Variants in CTNNA3 observed in about 807,000 individuals in gnomAD.
CTNNA3 encodes catenin alpha-3.
CTNNA3 carries 76 observed loss-of-function variants against 95.7 expected under a neutral mutation model. The observed-to-expected ratio is 0.79, with a 90% CI of 0.66 to 0.96. CTNNA3 has a LOEUF of 0.96. Among genes scored for constraint, CTNNA3 ranks in the 40% least tolerant of loss-of-function variants. The probability of loss-of-function intolerance (pLI) is 0.00; values close to 1 mark genes in which losing one functional copy is unlikely to be tolerated. For missense variants in CTNNA3, 1,191 were observed against 1,089.8 expected, an observed-to-expected ratio of 1.09 and a Z score of -1.31; for synonymous variants, 431 against 374.4, an observed-to-expected ratio of 1.15 and a Z score of -1.74.
At chr10:66,340,200 A>G (rs12784394) in intron 12 of CTNNA3, among the ~76,000 whole-genome samples, 3,023 of 151,934 alleles carry the variant, frequency 0.02, 60 homozygotes, top group South Asian at 0.048. Context: ...TTGACTTACA[A>G]TATAGGTTGT....
intron 5 of CTNNA3, among the ~76,000 whole-genome samples, chr10:67,268,231 G>A (rs1472430593): frequency 6.6e-6 from 1 of 151,618 alleles, no homozygotes; most frequent in African/African-American, 2.4e-5. Flanking sequence ...TTTGGGAGGC[G>A]AAGGCAGGAG....
At chr10:66,549,836 C>T (rs906210811) in intron 10 of CTNNA3, among the ~76,000 whole-genome samples, 12 of 152,100 alleles carry the variant, frequency 7.9e-5, no homozygotes, top group Non-Finnish European at 8.8e-5. Flanking sequence ...TCAGAGTGCA[C>T]ACCTCGTATG....
At chr10:66,683,851 T>C (rs1193350325) in intron 9 of CTNNA3, among the ~76,000 whole-genome samples, 2 of 151,966 alleles carry the variant, frequency 1.3e-5, no homozygotes, top group Non-Finnish European at 2.9e-5. Flanking sequence ...CAGGGGGATG[T>C]AGGATACCCC....
chr10:67,305,047 T>C lies in CTNNA3; in HGVS notation c.580-85177A>G, dbSNP rs372684543. On this transcript the variant is annotated intron_variant, in intron 5 of 17. Transcript: ENST00000433211. ...ATCCCAGCACTTTGGGAGGCCGAGG[T>C]GGGCGGATCACGAAGTCAGGAGATC... Among the ~76,000 whole-genome samples the C allele has an allele frequency of 2.3e-4, 35 of 152,128 alleles. 1 individual carries two copies. In the East Asian group the frequency reaches 4.3e-3, roughly 19 times the overall value.
At chr10:67,715,975 C>T (rs1440774255) in intron 1 of CTNNA3, among the ~76,000 whole-genome samples, 11 of 152,010 alleles carry the variant, frequency 7.2e-5, no homozygotes, top group East Asian at 1.9e-4. Flanking sequence ...CCCTTAAGAG[C>T]GGGTAACTTA....
At chr10:66,414,474 A>T (rs543806753) in intron 11 of CTNNA3, among the ~76,000 whole-genome samples, 1 of 152,008 alleles carries the variant, frequency 6.6e-6, no homozygotes, top group South Asian at 2.1e-4. Context: ...TTCATCATAG[A>T]CTCCTATAGT....
At chr10:66,171,947 A>G (rs915594947) in intron 13 of CTNNA3, among the ~76,000 whole-genome samples, 1 of 152,180 alleles carries the variant, frequency 6.6e-6, no homozygotes, top group African/African-American at 2.4e-5. Flanking sequence ...GTCAATATCT[A>G]TATCATCCTC....
At chr10:67,275,414 T>A (rs1839149085) in intron 5 of CTNNA3, among the ~76,000 whole-genome samples, 1 of 152,158 alleles carries the variant, frequency 6.6e-6, no homozygotes, top group Non-Finnish European at 1.5e-5. Flanking sequence ...TGAGAAACTT[T>A]GATCAAACTA....
At chr10:66,044,269 G>T (rs1234838291) in intron 15 of CTNNA3, among the ~76,000 whole-genome samples, 1 of 152,196 alleles carries the variant, frequency 6.6e-6, no homozygotes, top group Non-Finnish European at 1.5e-5. Flanking sequence ...GGGATTACAG[G>T]CATGAGCCAC....
intron 5 of CTNNA3, among the ~76,000 whole-genome samples, chr10:67,399,087 G>A (rs183414466): frequency 1.4e-4 from 22 of 152,210 alleles, no homozygotes; most frequent in African/African-American, 5.3e-4. Context: ...TGAGTAGGAT[G>A]AGGAGGAGGA....
intron 16 of CTNNA3, among the ~76,000 whole-genome samples, chr10:65,980,920 T>A (rs1343376132): frequency 6.6e-6 from 1 of 152,090 alleles, no homozygotes; most frequent in African/African-American, 2.4e-5. Context: ...GCATTTCACC[T>A]GATAACTGGG....
intron 3 of CTNNA3, among the ~76,000 whole-genome samples, chr10:67,549,379 G>T (rs1054927816): frequency 6.6e-6 from 1 of 152,176 alleles, no homozygotes; most frequent in African/African-American, 2.4e-5. Context: ...ACCATGAGCA[G>T]AATGCATCTC....
At chr10:66,288,677 A>C (rs989090332) in intron 12 of CTNNA3, among the ~76,000 whole-genome samples, 3 of 152,144 alleles carry the variant, frequency 2.0e-5, no homozygotes, top group Admixed American at 1.3e-4. Flanking sequence ...TCATCACAAA[A>C]AGTTCTATTG....
At chr10:66,747,994 C>T (rs557617639) in intron 9 of CTNNA3, among the ~76,000 whole-genome samples, 15 of 152,276 alleles carry the variant, frequency 9.9e-5, no homozygotes, top group African/African-American at 3.6e-4. Flanking sequence ...CTTCTCTACA[C>T]AGCAGAATTG....
intron 15 of CTNNA3, among the ~76,000 whole-genome samples, chr10:65,989,734 C>G (rs1409133936): frequency 2.0e-5 from 3 of 152,068 alleles, no homozygotes; most frequent in Non-Finnish European, 4.4e-5. Context: ...TTGAAGTCTT[C>G]TCTTCTAGCT....
At chr10:66,928,064 A>G (rs1225384331) in intron 7 of CTNNA3, 1 of 1,613,936 alleles carries the variant, frequency 6.2e-7, no homozygotes, top group East Asian at 2.2e-5. Flanking sequence ...TTTAAGCCCA[A>G]GCTCCCCAGG....
intron 7 of CTNNA3, among the ~76,000 whole-genome samples, chr10:66,949,989 A>G (rs1848455678): frequency 6.6e-6 from 1 of 152,178 alleles, no homozygotes; most frequent in Admixed American, 6.5e-5. Flanking sequence ...CCCATGACTT[A>G]ACACAATCTG....
intron 5 of CTNNA3, among the ~76,000 whole-genome samples, chr10:67,383,935 C>A (rs1226908078): frequency 6.6e-6 from 1 of 152,084 alleles, no homozygotes; most frequent in African/African-American, 2.4e-5. Context: ...AATATCAAAC[C>A]AGCTTTCTTG....
intron 9 of CTNNA3, among the ~76,000 whole-genome samples, chr10:66,690,303 G>A (rs900835902): frequency 6.6e-6 from 1 of 152,020 alleles, no homozygotes; most frequent in Non-Finnish European, 1.5e-5. Context: ...ATTTTTATAT[G>A]TCACGTCTTT....
Sources: gnomAD v4.1 joint callset for allele counts (sites outside exome capture counted in the v4.1 genomes callset) on GRCh38, gnomAD v4.1.1 for gene constraint, MANE v1.5 for transcripts, NCBI Gene and HGNC (gene_info 2026-07-23, HGNC 2026-07-21) for gene names.